STPG2: variants seen among roughly 807,000 people sequenced by gnomAD.
The protein encoded by STPG2 is sperm-tail PG-rich repeat-containing protein 2.
STPG2 carries 56 observed loss-of-function variants against 54.2 expected under a neutral mutation model. That is an observed-to-expected ratio of 1.03 (90% CI 0.83 to 1.29). The LOEUF (loss-of-function observed/expected upper bound fraction) is 1.29. Among genes scored for constraint, STPG2 ranks in the 50% most tolerant of loss-of-function variants. The pLI, the probability that STPG2 is intolerant of heterozygous loss-of-function variation, is 0.00. For missense variants in STPG2, 596 were observed against 544.9 expected, an observed-to-expected ratio of 1.09 and a Z score of -0.93; for synonymous variants, 200 against 181.8, an observed-to-expected ratio of 1.10 and a Z score of -0.81.
intron 8 of STPG2, among the ~76,000 whole-genome samples, chr4:97,923,409 G>A (rs899097088): frequency 3.3e-5 from 5 of 152,038 alleles, no homozygotes; most frequent in African/African-American, 2.4e-5. Context: ...GAGTGCAGGC[G>A]CACAGCGCAG....
intron 4 of STPG2, among the ~76,000 whole-genome samples, chr4:97,493,949 A>G (rs1560632183): frequency 6.6e-6 from 1 of 151,496 alleles, no homozygotes; most frequent in South Asian, 2.1e-4. Flanking sequence ...AAGTTGTTAA[A>G]CAGATTTAAC....
At chr4:97,476,791 T>C (rs1234752858) in intron 4 of STPG2, among the ~76,000 whole-genome samples, 1 of 152,214 alleles carries the variant, frequency 6.6e-6, no homozygotes, top group East Asian at 1.9e-4. Flanking sequence ...CTTAAGTTAC[T>C]ATTGCAATTA....
intron 7 of STPG2, among the ~76,000 whole-genome samples, chr4:97,946,967 G>T (rs1266793748): frequency 6.6e-6 from 1 of 152,052 alleles, no homozygotes; most frequent in Non-Finnish European, 1.5e-5. Context: ...CATTGAATCT[G>T]TCGATTGCTT....
intron 8 of STPG2, among the ~76,000 whole-genome samples, chr4:97,846,392 C>T (rs528987503): frequency 2.0e-3 from 299 of 151,808 alleles, no homozygotes; most frequent in African/African-American, 7.0e-3. Flanking sequence ...TTTGGGAGGC[C>T]GAGGCGGTTG....
At chr4:97,446,918 G>C (rs1729236587) in intron 4 of STPG2, among the ~76,000 whole-genome samples, 1 of 152,196 alleles carries the variant, frequency 6.6e-6, no homozygotes, top group African/African-American at 2.4e-5. Flanking sequence ...CTGCTATAAA[G>C]ATAACATGAA....
Position 97,635,204 on chromosome 4 carries a change from G to T in STPG2, c.1321-76087C>A, listed in dbSNP as rs543287353. On this transcript the variant is annotated intron_variant, in intron 10 of 10. Coordinates refer to ENST00000295268, the MANE Select transcript of STPG2 (RefSeq NM_174952.3). ...CAATATTCAACATTCTTAAAGAAAA[G>T]AATTTTCAACCCAGAATTTCATATC... Among the ~76,000 whole-genome samples, 16 of 152,200 alleles carry T rather than the reference G, an allele frequency of 1.1e-4. No homozygotes were observed. In the South Asian group the frequency reaches 2.9e-3, roughly 28 times the overall value.
At chr4:98,014,632 G>A (rs1168459021) in intron 5 of STPG2, among the ~76,000 whole-genome samples, 1 of 152,114 alleles carries the variant, frequency 6.6e-6, no homozygotes, top group Non-Finnish European at 1.5e-5. Context: ...TATTATTAGA[G>A]TTACAAGTGA....
At chr4:97,453,125 G>T (rs1412080550) in intron 4 of STPG2, among the ~76,000 whole-genome samples, 2 of 152,220 alleles carry the variant, frequency 1.3e-5, no homozygotes, top group African/African-American at 4.8e-5. Context: ...GGAGCTCCCT[G>T]AGCCAGGGCT....
intron 4 of STPG2, among the ~76,000 whole-genome samples, chr4:97,546,674 CTT>C (rs1462278791): frequency 1.3e-5 from 2 of 152,062 alleles, no homozygotes; most frequent in Non-Finnish European, 2.9e-5. Flanking sequence ...CTAAAAAACA[CTT>C]TTAAAAATTC....
At chr4:97,985,084 G>C (rs556923113) in intron 5 of STPG2, among the ~76,000 whole-genome samples, 2 of 152,014 alleles carry the variant, frequency 1.3e-5, no homozygotes, top group Non-Finnish European at 2.9e-5. Flanking sequence ...TTTGAGTTGT[G>C]TAAAGTAGGT....
intron 8 of STPG2, among the ~76,000 whole-genome samples, chr4:97,865,248 A>G (rs916887790): frequency 6.6e-6 from 1 of 152,190 alleles, no homozygotes. Context: ...ATTTACAAGA[A>G]AAAAACAAAC....
At chr4:97,581,629 T>C (rs1291651017) in intron 10 of STPG2, among the ~76,000 whole-genome samples, 1 of 152,058 alleles carries the variant, frequency 6.6e-6, no homozygotes, top group African/African-American at 2.4e-5. Flanking sequence ...ATTTAACTCA[T>C]CAATTAAATT....
At chr4:97,627,860 C>CAG (rs10692653) in intron 10 of STPG2, among the ~76,000 whole-genome samples, 20,006 of 151,946 alleles carry the variant, frequency 0.13, 4,049 homozygotes, top group African/African-American at 0.44. Flanking sequence ...TTCTGAGAAA[C>CAG]GGGGCTGATG....
chr4:97,748,484 T>A (rs191498987), intron 9 of STPG2, among the ~76,000 whole-genome samples: 1 of 151,488 alleles, frequency 6.6e-6, no homozygotes, highest in Non-Finnish European at 1.5e-5. Context: ...CACTTCAGAT[T>A]TGTAAAAATT....
chr4:97,812,453 CA>C (rs1221430487), intron 9 of STPG2, among the ~76,000 whole-genome samples: 2 of 152,040 alleles, frequency 1.3e-5, no homozygotes, highest in Non-Finnish European at 2.9e-5. Context: ...AATTGGATAT[CA>C]TAAAGTAATT....
Position 97,547,730 on chromosome 4 carries a change from CAATT to C in STPG2, c.462+164965_462+164968del, listed in dbSNP as rs377629170. 8.3e-4 allele frequency among the ~76,000 whole-genome samples: 127 copies of C among 152,174 alleles called. 1 individual carries two copies. In the East Asian group the frequency reaches 0.011, roughly 13 times the overall value. On this transcript the variant is annotated intron_variant, in intron 4 of 4. Coordinates refer to the STPG2 transcript ENST00000522676. ...GAGAAATGTTTACTAGGTGGATTAACAATTGATTGAATAGGAGAGTTGGTAGTGA... is the reference window on the plus strand; with the variant it reads ...GAGAAATGTTTACTAGGTGGATTAACGATTGAATAGGAGAGTTGGTAGTGA...
At chr4:97,477,637 C>T (rs868684597) in intron 4 of STPG2, among the ~76,000 whole-genome samples, 16 of 148,778 alleles carry the variant, frequency 1.1e-4, no homozygotes, top group Middle Eastern at 3.4e-3. Context: ...CCACCATGCC[C>T]GGCTAATTTT....
intron 8 of STPG2, among the ~76,000 whole-genome samples, chr4:97,905,231 A>G (rs1731358438): frequency 1.3e-5 from 2 of 152,146 alleles, no homozygotes. Context: ...CCTCAAAGGG[A>G]AGCCCATCAG....
intron 5 of STPG2, among the ~76,000 whole-genome samples, chr4:98,010,429 A>AT (rs1735709200): frequency 1.3e-5 from 2 of 152,104 alleles, no homozygotes; most frequent in African/African-American, 4.8e-5. Flanking sequence ...TGCCTGATAT[A>AT]AAGAGAGGCA....
Sources: gnomAD v4.1 joint callset for allele counts (sites outside exome capture counted in the v4.1 genomes callset) on GRCh38, gnomAD v4.1.1 for gene constraint, MANE v1.5 for transcripts, NCBI Gene and HGNC (gene_info 2026-07-23, HGNC 2026-07-21) for gene names.